Variants in KCNIP4 observed in about 807,000 individuals in gnomAD.
The protein encoded by KCNIP4 is Kv channel-interacting protein 4.
Under a neutral mutation model 34.0 loss-of-function variants are expected in KCNIP4, and 12 were observed. That is an observed-to-expected ratio of 0.35 (90% confidence interval 0.23 to 0.57). The LOEUF is 0.57. Among genes scored for constraint, KCNIP4 ranks in the 20% least tolerant of loss-of-function variants. The pLI is 0.83. For synonymous variants in KCNIP4, 124 were observed against 102.2 expected (o/e 1.21, Z -1.29); for missense variants, 238 against 311.7 (o/e 0.76, Z 1.78).
At chr4:21,418,497 A>AT (rs1435222733) in intron 1 of KCNIP4, among the ~76,000 whole-genome samples, 2 of 79,232 alleles carry the variant, frequency 2.5e-5, no homozygotes, top group Admixed American at 1.1e-4. Flanking sequence ...ACTCCATTTC[A>AT]AAAAAAGAAA....
At chr4:20,829,713 A>G (rs893884426) in intron 3 of KCNIP4, among the ~76,000 whole-genome samples, 1 of 152,148 alleles carries the variant, frequency 6.6e-6, no homozygotes, top group Non-Finnish European at 1.5e-5. Flanking sequence ...AACCACTGCG[A>G]TAAGTTTGAA....
At chr4:21,556,266 T>C (rs547214021) in intron 1 of KCNIP4, among the ~76,000 whole-genome samples, 3 of 152,258 alleles carry the variant, frequency 2.0e-5, no homozygotes, top group Non-Finnish European at 2.9e-5. Flanking sequence ...GGTTCTGCCA[T>C]TGTATGATGT....
intron 1 of KCNIP4, among the ~76,000 whole-genome samples, chr4:21,242,296 A>C (rs1320521202): frequency 1.3e-5 from 2 of 152,136 alleles, no homozygotes; most frequent in Non-Finnish European, 2.9e-5. Context: ...CAACACTCCA[A>C]ACAAGCCTAC....
At chr4:21,134,105 C>T (rs1425661415) in intron 1 of KCNIP4, among the ~76,000 whole-genome samples, 1 of 152,104 alleles carries the variant, frequency 6.6e-6, no homozygotes, top group East Asian at 1.9e-4. Flanking sequence ...TGAGGTCTCC[C>T]CAGACCACCC....
At chr4:21,406,503 G>A (rs1231195945) in intron 1 of KCNIP4, among the ~76,000 whole-genome samples, 1 of 152,154 alleles carries the variant, frequency 6.6e-6, no homozygotes, top group Non-Finnish European at 1.5e-5. Flanking sequence ...TATACATAAT[G>A]AAGAAAATTA....
intron 1 of KCNIP4, among the ~76,000 whole-genome samples, chr4:21,149,255 C>T (rs908878272): frequency 3.9e-5 from 6 of 152,154 alleles, no homozygotes; most frequent in African/African-American, 1.4e-4. Flanking sequence ...ATGCATTTAA[C>T]TGTTTGTTAA....
chr4:21,751,261 T>G (rs1472562848), intron 1 of KCNIP4, among the ~76,000 whole-genome samples: 1 of 152,132 alleles, frequency 6.6e-6, no homozygotes, highest in African/African-American at 2.4e-5. Flanking sequence ...AAGACTTTGT[T>G]TGGATTGTAT....
rs563116808 is a variant in KCNIP4 at position 21,047,588 on chromosome 4, C to T, written c.62-164879G>A. On this transcript the variant is annotated intron_variant, in intron 1 of 8. Coordinates refer to ENST00000382152, the MANE Select transcript of KCNIP4 (RefSeq NM_025221.6). ...GAGCCAAGTTTTCTCTGACTCCAAACGTATGTATCATCACCCCCAATGCTA... is the reference window on the plus strand; with the variant it reads ...GAGCCAAGTTTTCTCTGACTCCAAATGTATGTATCATCACCCCCAATGCTA... 2.4e-4 allele frequency among the ~76,000 whole-genome samples: 36 copies of T among 152,254 alleles called. No individual in the cohort carries two copies. The South Asian group carries it at 5.0e-3, about 21-fold the overall frequency.
At chr4:21,544,542 A>G (rs1010480797) in intron 1 of KCNIP4, 1 of 152,110 alleles carries the variant, frequency 6.6e-6, no homozygotes, top group African/African-American at 2.4e-5. Flanking sequence ...GCAGAAGCCA[A>G]TTCCTTGACA....
In KCNIP4 at chr4:21,719,163, C is replaced by G. The variant is rs901694943; in HGVS notation, c.61+229408G>C. 3.3e-5 allele frequency: 5 copies of G among 152,108 alleles called. No homozygotes were observed. The East Asian group carries it at 9.6e-4, about 29-fold the overall frequency. 9.4% of individuals were successfully genotyped at this position (152,108 alleles called of 1,614,324 possible). A position where few individuals can be genotyped will look rare whatever the true frequency, so the allele number is the denominator to read the frequency against. On this transcript the variant is annotated intron_variant, in intron 1 of 8. Transcript: ENST00000382152. ...TGATGCTAGAAACCAAAAACAGATACACATCTTCAGTACATGAGATGGAAT... is the reference window on the plus strand; with the variant it reads ...TGATGCTAGAAACCAAAAACAGATAGACATCTTCAGTACATGAGATGGAAT...
intron 1 of KCNIP4, among the ~76,000 whole-genome samples, chr4:21,068,596 C>T (rs1207746288): frequency 2.0e-5 from 3 of 152,134 alleles, no homozygotes; most frequent in Admixed American, 2.0e-4. Context: ...CTTTCTCTCT[C>T]TCTGCATATT....
At chr4:21,326,117 T>C (rs942935025) in intron 1 of KCNIP4, among the ~76,000 whole-genome samples, 4 of 151,852 alleles carry the variant, frequency 2.6e-5, no homozygotes, top group East Asian at 1.9e-4. Flanking sequence ...ATTTAGTCTA[T>C]GGCAGATTAA....
At chr4:21,747,773 G>A (rs563381290) in intron 1 of KCNIP4, among the ~76,000 whole-genome samples, 28 of 152,186 alleles carry the variant, frequency 1.8e-4, no homozygotes, top group Non-Finnish European at 3.8e-4. Context: ...CACCCACCTG[G>A]AATCTCAGAA....
chr4:21,449,865 C>T (rs1728367706), intron 1 of KCNIP4, among the ~76,000 whole-genome samples: 1 of 151,880 alleles, frequency 6.6e-6, no homozygotes, highest in African/African-American at 2.4e-5. Flanking sequence ...TTGTCCATCC[C>T]TCCATCTACA....
intron 1 of KCNIP4, among the ~76,000 whole-genome samples, chr4:21,519,217 C>T (rs530021442): frequency 4.0e-5 from 6 of 151,798 alleles, no homozygotes; most frequent in Admixed American, 3.3e-4. Flanking sequence ...AAAAGAGGTC[C>T]CAGGGAACTT....
chr4:21,817,814 C>T (rs1309952609), intron 1 of KCNIP4, among the ~76,000 whole-genome samples: 1 of 152,138 alleles, frequency 6.6e-6, no homozygotes, highest in Non-Finnish European at 1.5e-5. Context: ...ACCCTGTTTT[C>T]TGTTGTTTAA....
intron 1 of KCNIP4, among the ~76,000 whole-genome samples, chr4:21,726,395 G>A (rs2109103305): frequency 6.6e-6 from 1 of 152,296 alleles, no homozygotes; most frequent in Non-Finnish European, 1.5e-5. Flanking sequence ...AACACTAAAT[G>A]TGAAAGTGCC....
At chr4:21,088,341 A>G (rs1746659157) in intron 1 of KCNIP4, among the ~76,000 whole-genome samples, 1 of 152,044 alleles carries the variant, frequency 6.6e-6, no homozygotes, top group South Asian at 2.1e-4. Flanking sequence ...TGTGCATTCT[A>G]TTTCCTAAAT....
chr4:21,344,216 T>C (rs563616276), intron 1 of KCNIP4, among the ~76,000 whole-genome samples: 1 of 152,228 alleles, frequency 6.6e-6, no homozygotes, highest in South Asian at 2.1e-4. Flanking sequence ...AGTTGGGTGT[T>C]GGGTGAAGGA....
Sources: gnomAD v4.1 joint callset for allele counts (sites outside exome capture counted in the v4.1 genomes callset) on GRCh38, gnomAD v4.1.1 for gene constraint, MANE v1.5 for transcripts, NCBI Gene and HGNC (gene_info 2026-07-23, HGNC 2026-07-21) for gene names.